LVRN: variants seen among roughly 807,000 people sequenced by gnomAD.
The protein encoded by LVRN is laeverin, also known as aminopeptidase Q.
LVRN carries 99 observed loss-of-function variants against 111.4 expected under a neutral mutation model. The ratio of observed to expected loss-of-function variants is 0.89; its 90% CI spans 0.76 to 1.05. The LOEUF (loss-of-function observed/expected upper bound fraction) is 1.05, where lower values mean the gene tolerates loss of function less well. Ranked by LOEUF, LVRN falls within the 50% of genes least tolerant of loss-of-function variation. The pLI, the probability that LVRN is intolerant of heterozygous loss-of-function variation, is 0.00. For synonymous variants in LVRN, 488 were observed against 449.5 expected (o/e 1.09, Z -1.08); for missense variants, 1,414 against 1,206.8 (o/e 1.17, Z -2.54).
chr5:115,984,556 A>G lies in LVRN; in HGVS notation c.839-14A>G. 6.2e-7 allele frequency: 1 copy of G among 1,612,200 alleles called. No homozygotes were observed. The highest frequency in any genetic ancestry group is 8.5e-7 in the Non-Finnish European group (1 of 1,179,166). On this transcript the variant is annotated splice_polypyrimidine_tract_variant and intron_variant, in intron 2 of 19. Transcript: ENST00000357872. ...TAGATTTGCTGTGATTTGAACTAAA[A>G]TAAAATTCTCTAGGTCAGTCTGAAA...
At chr5:116,001,395 G>A (rs1488108972) in intron 10 of LVRN, among the ~76,000 whole-genome samples, 156 bp downstream of exon 10, 1 of 152,112 alleles carries the variant, frequency 6.6e-6, no homozygotes, top group Non-Finnish European at 1.5e-5. Flanking sequence ...CCTTGTGTCC[G>A]GGCAACGCCA....
chr5:115,989,763 C>T (rs945754258), intron 4 of LVRN, among the ~76,000 whole-genome samples: 9 of 152,228 alleles, frequency 5.9e-5, no homozygotes, highest in African/African-American at 2.2e-4. Context: ...ACTGATGTTA[C>T]CCTATGAGCG....
intron 6 of LVRN, among the ~76,000 whole-genome samples, chr5:115,998,014 G>T (rs1423220016): frequency 6.6e-6 from 1 of 152,156 alleles, no homozygotes; most frequent in Non-Finnish European, 1.5e-5. Context: ...TGTTCTGATA[G>T]GGTTAGGGGA....
chr5:116,020,833 C>T (rs962983341), intron 18 of LVRN, among the ~76,000 whole-genome samples: 7 of 152,200 alleles, frequency 4.6e-5, no homozygotes, highest in African/African-American at 1.7e-4. Flanking sequence ...GTGAGCCAGA[C>T]TGGAGTACCC....
chr5:116,015,951 G>C (rs1309753105), intron 18 of LVRN, among the ~76,000 whole-genome samples, 186 bp downstream of exon 18: 1 of 152,166 alleles, frequency 6.6e-6, no homozygotes, highest in African/African-American at 2.4e-5. Flanking sequence ...TTATGGAAGA[G>C]CAATACATGA....
In LVRN at chr5:116,010,885, A is replaced by C; in HGVS notation, c.2238A>C (p.Ser746=). Residue 746 remains serine, a synonymous_variant, in exon 14 of 20, where the codon TCA becomes TCC. Transcript: ENST00000357872. The stretch of plus-strand genomic sequence containing the variant: ...AGGTGAACATCTATGATATATACTC[A>C]TTATTAAAGGTAATTTCATTCTTTC... ...VSEVNIYDIY[S]LLKRYLLKRL... is the part of the protein sequence containing the mutation. 1 of 1,569,356 alleles carries C rather than the reference A, an allele frequency of 6.4e-7. No homozygotes were observed. Among genetic ancestry groups the C allele is most frequent in the Non-Finnish European group, 8.6e-7 (1 of 1,162,150 alleles).
At chr5:115,970,130 A>G (rs1357811282) in intron 1 of LVRN, among the ~76,000 whole-genome samples, 1 of 152,170 alleles carries the variant, frequency 6.6e-6, no homozygotes, top group Non-Finnish European at 1.5e-5. Flanking sequence ...GTTTTGGCAT[A>G]CATATACATA....
At chr5:115,988,017 C>A in intron 4 of LVRN, 78 bp downstream of exon 4, 10 of 1,524,660 alleles carry the variant, frequency 6.6e-6, no homozygotes, top group Non-Finnish European at 8.9e-6. Context: ...GATACACAGA[C>A]AAACCCATAA....
At position 115,963,143 on chromosome 5, in the gene LVRN, G is replaced by T. The variant is rs1349985182; in HGVS notation, c.526G>T (p.Val176Leu). 4 of 1,613,298 alleles carry T rather than the reference G, an allele frequency of 2.5e-6. No homozygotes were observed. The highest frequency in any genetic ancestry group is 1.7e-5 in the Admixed American group (1 of 59,994). Residue 176 changes from valine (V) to leucine (L), a missense_variant, in exon 1 of 20, where the codon GTG (valine) becomes TTG (leucine). Physicochemically the swap from Val to Leu is conservative, Grantham distance 32 (BLOSUM62 1). Coordinates refer to ENST00000357872, the MANE Select transcript of LVRN (RefSeq NM_173800.5). Reference protein sequence around the residue: ...TGNATVGRVPVDDVWFALDTE... With the variant: ...TGNATVGRVPLDDVWFALDTE... ...GAACGCCACAGTGGGCCGCGTGCCC[G>T]TGGACGACGTGTGGTTCGCGCTGGA...
Position 115,993,767 on chromosome 5 carries a change from T to C in LVRN, c.1287T>C (p.Asn429=). The part of the protein sequence containing the change: ...HQWFGNLVTM[N]WWNNIWLNEG... ...GGTTTGGAAACTTGGTTACCATGAA[T>C]TGGTGGAACAATATCTGGCTCAACG... Residue 429 remains asparagine, a synonymous_variant, in exon 6 of 20, where the codon AAT becomes AAC. Transcript: ENST00000357872. 6.2e-7 allele frequency: 1 copy of C among 1,608,610 alleles called. No homozygotes were observed. Among genetic ancestry groups the C allele is most frequent in the African/African-American group, 1.3e-5 (1 of 74,900 alleles).
intron 1 of LVRN, among the ~76,000 whole-genome samples, chr5:115,980,884 T>G (rs149222702): frequency 2.6e-4 from 40 of 152,262 alleles, no homozygotes; most frequent in African/African-American, 9.1e-4. Context: ...TCTCCCAACT[T>G]TAGATGACTC....
At chr5:115,995,020 A>G (rs1748076226) in intron 6 of LVRN, among the ~76,000 whole-genome samples, 1 of 151,942 alleles carries the variant, frequency 6.6e-6, no homozygotes, top group Non-Finnish European at 1.5e-5. Flanking sequence ...CAGTTGTTCC[A>G]AGGCTGGATT....
chr5:116,016,415 T>C (rs1336968354), intron 18 of LVRN, among the ~76,000 whole-genome samples: 1 of 152,182 alleles, frequency 6.6e-6, no homozygotes, highest in Non-Finnish European at 1.5e-5. Flanking sequence ...AAGTAAAAAA[T>C]CCTTATGCCA....
intron 15 of LVRN, among the ~76,000 whole-genome samples, chr5:116,012,785 C>G (rs1748519151): frequency 6.6e-6 from 1 of 152,118 alleles, no homozygotes; most frequent in Non-Finnish European, 1.5e-5. Context: ...GCAAAGCTAG[C>G]CTATACCAGT....
rs1206185491 is a variant in LVRN at position 115,966,790 on chromosome 5, C to T, written c.695+3478C>T. On this transcript the variant is annotated intron_variant, in intron 1 of 19. Coordinates refer to ENST00000357872, the MANE Select transcript of LVRN (RefSeq NM_173800.5). ...CAGCAATATATGAGTGATAGATGTTCTCTGTATCATGGCCATCATTTGGTA... is the reference window on the plus strand; with the variant it reads ...CAGCAATATATGAGTGATAGATGTTTTCTGTATCATGGCCATCATTTGGTA... Among the ~76,000 whole-genome samples, 9 of 152,168 alleles carry T rather than the reference C, an allele frequency of 5.9e-5. 1 individual carries two copies. Among genetic ancestry groups the T allele is most frequent in the Admixed American group, 5.9e-4 (9 of 15,272 alleles).
intron 1 of LVRN, chr5:115,974,630 C>G (rs1753399318): frequency 6.4e-6 from 1 of 156,940 alleles, no homozygotes; most frequent in Non-Finnish European, 1.4e-5. Context: ...TTGCTCTTTC[C>G]AAAATATTCA....
At position 116,026,166 on chromosome 5, in the gene LVRN, G is replaced by T; in HGVS notation, c.*48G>T. 1.9e-6 allele frequency: 3 copies of T among 1,609,388 alleles called. No homozygotes were observed. Among genetic ancestry groups the T allele is most frequent in the Admixed American group, 1.7e-5 (1 of 59,324 alleles). On this transcript the variant is annotated 3_prime_UTR_variant, in exon 20 of 20. Coordinates refer to ENST00000357872, the MANE Select transcript of LVRN (RefSeq NM_173800.5). Reference sequence around the variant, plus strand: ...CCTCTTGCATATTATAATGTAGTTTGTTCACAGTTTTGTCTTCCAATACTT... The same window carrying T: ...CCTCTTGCATATTATAATGTAGTTTTTTCACAGTTTTGTCTTCCAATACTT...
chr5:115,974,364 G>A (rs1159816627), intron 1 of LVRN: 1 of 152,222 alleles, frequency 6.6e-6, no homozygotes, highest in Non-Finnish European at 1.5e-5. Flanking sequence ...ACACCTAACA[G>A]TTTATGATGT....
intron 1 of LVRN, among the ~76,000 whole-genome samples, chr5:115,978,492 A>G (rs1035598150): frequency 2.6e-5 from 4 of 152,114 alleles, no homozygotes; most frequent in Admixed American, 1.3e-4. Context: ...CTGCATGAGG[A>G]CCCCAGCAGC....
Sources: allele counts gnomAD v4.1 joint callset (sites outside exome capture counted in the v4.1 genomes callset), GRCh38; gene constraint gnomAD v4.1.1; transcripts MANE v1.5; gene names NCBI Gene and HGNC (gene_info 2026-07-23, HGNC 2026-07-21).